GRID2: variants seen among roughly 807,000 people sequenced by gnomAD.
GRID2 encodes the protein glutamate ionotropic receptor delta type subunit 2.
A neutral mutation model predicts 114.8 loss-of-function variants in GRID2; 33 were observed. That is an observed-to-expected ratio of 0.29 (90% confidence interval 0.22 to 0.38). GRID2 has a LOEUF of 0.38. GRID2 is among the 10% of genes least tolerant of loss of function. The pLI is 1.00. For synonymous variants in GRID2, 505 were observed against 449.9 expected (o/e 1.12, Z -1.55); for missense variants, 1,184 against 1,257.7 (o/e 0.94, Z 0.89).
chr4:92,690,970 A>C (rs1734154517), intron 2 of GRID2, among the ~76,000 whole-genome samples: 1 of 152,116 alleles, frequency 6.6e-6, no homozygotes, highest in African/African-American at 2.4e-5. Flanking sequence ...AGAATGATGA[A>C]AAGAGAGCAA....
chr4:92,893,437 C>T (rs1017907977), intron 2 of GRID2, among the ~76,000 whole-genome samples: 1 of 152,140 alleles, frequency 6.6e-6, no homozygotes, highest in African/African-American at 2.4e-5. Context: ...AAATCCTGAG[C>T]CCTTGTCCTG....
At chr4:92,718,040 C>T (rs1343655803) in intron 2 of GRID2, among the ~76,000 whole-genome samples, 1 of 151,954 alleles carries the variant, frequency 6.6e-6, no homozygotes, top group African/African-American at 2.4e-5. Flanking sequence ...ATATATATTA[C>T]TCATTTGTAG....
At chr4:92,401,654 CAT>C (rs1376844702) in intron 1 of GRID2, among the ~76,000 whole-genome samples, 2 of 152,128 alleles carry the variant, frequency 1.3e-5, no homozygotes, top group African/African-American at 4.8e-5. Flanking sequence ...TATGTCAAAA[CAT>C]AATTAACATT....
At chr4:93,316,122 G>A (rs1414925670) in intron 8 of GRID2, among the ~76,000 whole-genome samples, 2 of 151,878 alleles carry the variant, frequency 1.3e-5, no homozygotes, top group Non-Finnish European at 2.9e-5. Flanking sequence ...TTTGGTTTTG[G>A]AAGCTGGAAA....
At chr4:92,443,916 T>C (rs1383747052) in intron 1 of GRID2, among the ~76,000 whole-genome samples, 1 of 152,114 alleles carries the variant, frequency 6.6e-6, no homozygotes, top group Non-Finnish European at 1.5e-5. Context: ...GGTCCACAGA[T>C]AAAATGTATC....
At chr4:92,754,542 G>A (rs114911818) in intron 2 of GRID2, among the ~76,000 whole-genome samples, 84 of 152,152 alleles carry the variant, frequency 5.5e-4, no homozygotes, top group Non-Finnish European at 1.0e-3. Flanking sequence ...TCATGATACC[G>A]ATCTCACCGT....
intron 1 of GRID2, among the ~76,000 whole-genome samples, chr4:93,801,943 A>G (rs1734939543): frequency 6.6e-6 from 1 of 152,228 alleles, no homozygotes; most frequent in Non-Finnish European, 1.5e-5. Context: ...GATATAGCAT[A>G]TATCCCTTTA....
chr4:92,782,296 CT>C (rs1354900096), intron 2 of GRID2, among the ~76,000 whole-genome samples: 1 of 151,928 alleles, frequency 6.6e-6, no homozygotes, highest in East Asian at 1.9e-4. Flanking sequence ...TAATATAATA[CT>C]TTTGCTAATG....
chr4:93,381,971 A>T (rs1178172369), intron 8 of GRID2, among the ~76,000 whole-genome samples: 1 of 152,112 alleles, frequency 6.6e-6, no homozygotes, highest in Non-Finnish European at 1.5e-5. Flanking sequence ...TTGTATACCT[A>T]GAAATGCCTT....
At chr4:93,061,864 C>T (rs1387411705) in intron 2 of GRID2, among the ~76,000 whole-genome samples, 3 of 152,142 alleles carry the variant, frequency 2.0e-5, no homozygotes, top group Admixed American at 1.3e-4. Context: ...AGCTTCTATT[C>T]TCCAGTCAAG....
chr4:92,407,280 A>G (rs976391664), intron 1 of GRID2, among the ~76,000 whole-genome samples: 2 of 152,116 alleles, frequency 1.3e-5, no homozygotes, highest in Non-Finnish European at 2.9e-5. Flanking sequence ...TAATATCACT[A>G]CATAATATTC....
At chr4:92,414,254 A>G (rs1731482521) in intron 1 of GRID2, among the ~76,000 whole-genome samples, 1 of 152,170 alleles carries the variant, frequency 6.6e-6, no homozygotes. Flanking sequence ...AAGAGAAAAC[A>G]TACTAGAGAT....
chr4:93,416,870 G>A (rs138938889), intron 9 of GRID2, among the ~76,000 whole-genome samples: 1 of 152,138 alleles, frequency 6.6e-6, no homozygotes, highest in Non-Finnish European at 1.5e-5. Flanking sequence ...CTACAAGCAG[G>A]TCTGTGGATC....
chr4:93,067,618 G>A (rs1269553412), intron 2 of GRID2, among the ~76,000 whole-genome samples: 1 of 151,824 alleles, frequency 6.6e-6, no homozygotes, highest in East Asian at 1.9e-4. Context: ...CATACATTCA[G>A]ACCATAGCAC....
intron 2 of GRID2, among the ~76,000 whole-genome samples, chr4:92,923,782 A>C (rs1283454027): frequency 6.6e-6 from 1 of 152,174 alleles, no homozygotes. Flanking sequence ...AGAGACTGCG[A>C]CATTGAAATT....
intron 14 of GRID2, among the ~76,000 whole-genome samples, 190 bp downstream of exon 14, chr4:93,626,625 G>GT (rs545887419): frequency 6.6e-6 from 1 of 152,082 alleles, no homozygotes; most frequent in South Asian, 2.1e-4. Context: ...ATGAAGTATT[G>GT]TTTTTTCCAT....
chr4:92,372,232 G>C (rs548378248), intron 1 of GRID2, among the ~76,000 whole-genome samples: 1 of 152,130 alleles, frequency 6.6e-6, no homozygotes, highest in Non-Finnish European at 1.5e-5. Flanking sequence ...GATAAAGCTA[G>C]CATGGTTTAG....
chr4:93,375,405 GT>G (rs1165608522), intron 8 of GRID2, among the ~76,000 whole-genome samples: 1 of 151,880 alleles, frequency 6.6e-6, no homozygotes, highest in East Asian at 1.9e-4. Flanking sequence ...TAGAGATGGG[GT>G]TTCACCATGT....
chr4:93,577,930 A>G (rs1014888272), intron 13 of GRID2, among the ~76,000 whole-genome samples: 1 of 152,236 alleles, frequency 6.6e-6, no homozygotes, highest in Non-Finnish European at 1.5e-5. Context: ...AAATGGGCAC[A>G]ATTATTTAGA....
Sources: gnomAD v4.1 joint callset for allele counts (sites outside exome capture counted in the v4.1 genomes callset) on GRCh38, gnomAD v4.1.1 for gene constraint, MANE v1.5 for transcripts, NCBI Gene and HGNC (gene_info 2026-07-23, HGNC 2026-07-21) for gene names.